The following DCAF6 variants were observed in gnomAD, a reference collection of about 807,000 sequenced individuals.
The protein encoded by DCAF6 is DDB1 and CUL4 associated factor 6.
A neutral mutation model predicts 125.1 loss-of-function variants in DCAF6; 54 were observed. The ratio of observed to expected loss-of-function variants is 0.43; its 90% CI spans 0.35 to 0.54. The LOEUF (loss-of-function observed/expected upper bound fraction) is 0.54, where lower values mean the gene tolerates loss of function less well. Ranked by LOEUF, DCAF6 falls within the 20% of genes least tolerant of loss-of-function variation. The probability of loss-of-function intolerance (pLI) is 0.01; values close to 1 mark genes in which losing one functional copy is unlikely to be tolerated. For synonymous variants in DCAF6, 371 were observed against 390.4 expected (o/e 0.95, Z 0.58); for missense variants, 934 against 1,161.7 (o/e 0.80, Z 2.85).
At chr1:167,870,278 A>G in the DCAF6 span, 25 of 1,614,092 alleles carry the variant, frequency 1.5e-5, no homozygotes, top group Admixed American at 2.8e-4. Context: ...ACCTTGGGCC[A>G]GGTACTCAAT....
chr1:167,971,467 G>T (rs1014398782), intron 3 of DCAF6, among the ~76,000 whole-genome samples: 1 of 152,058 alleles, frequency 6.6e-6, no homozygotes, highest in African/African-American at 2.4e-5. Flanking sequence ...CTCAGACAGG[G>T]TTATGGGTCA....
At chr1:168,005,757 TTATCAGTA>T (rs905645465) in intron 10 of DCAF6, among the ~76,000 whole-genome samples, 2 of 152,144 alleles carry the variant, frequency 1.3e-5, no homozygotes, top group Non-Finnish European at 2.9e-5. Context: ...AAGCACTCTT[TTATCAGTA>T]TATACCACTT....
chr1:167,875,013 A>G, the DCAF6 span: 2 of 895,422 alleles, frequency 2.2e-6, no homozygotes, highest in East Asian at 2.5e-5. Context: ...AACCTGGATG[A>G]TGATTATATT....
chr1:167,928,272 C>G, the DCAF6 span, among the ~76,000 whole-genome samples: 1 of 148,116 alleles, frequency 6.8e-6, no homozygotes, highest in Non-Finnish European at 1.5e-5. Context: ...GGCGTGAAGC[C>G]GGGAGGTGGA....
At chr1:168,068,002 A>G (rs537578886) in intron 20 of DCAF6, among the ~76,000 whole-genome samples, 79 of 152,308 alleles carry the variant, frequency 5.2e-4, no homozygotes, top group Middle Eastern at 3.4e-3. Context: ...TTTCGTCACT[A>G]AAGTTATCAG....
intron 7 of DCAF6, 141 bp downstream of exon 7, chr1:167,993,581 CT>C: frequency 1.6e-6 from 1 of 637,264 alleles, no homozygotes; most frequent in Non-Finnish European, 2.7e-6. Context: ...GAAACCCCGT[CT>C]TTACTAAAAA....
chr1:168,063,812 T>C (rs1691927725), intron 18 of DCAF6, 53 bp downstream of exon 18: 2 of 1,544,622 alleles, frequency 1.3e-6, no homozygotes, highest in African/African-American at 2.8e-5. Flanking sequence ...ATGCTCTGAG[T>C]GTTTTTCCAT....
chr1:168,019,277 T>C (rs1284507207), intron 11 of DCAF6, among the ~76,000 whole-genome samples: 1 of 152,168 alleles, frequency 6.6e-6, no homozygotes, highest in Non-Finnish European at 1.5e-5. Flanking sequence ...CTTGATCTCC[T>C]GACCTTGTGA....
rs772191895 is a variant in DCAF6 at position 168,015,819 on chromosome 1, C to T, written c.1417C>T (p.Arg473Cys). The T allele has an allele frequency of 1.4e-4, 210 of 1,529,994 alleles. No individual in the cohort carries two copies. The highest frequency in any genetic ancestry group is 4.9e-4 in the African/African-American group (35 of 72,014). 94.8% of individuals were successfully genotyped at this position (1,529,994 alleles called of 1,614,324 possible). A position where few individuals can be genotyped will look rare whatever the true frequency, so the allele number is the denominator to read the frequency against. Residue 473 changes from arginine (R) to cysteine (C), a missense_variant, in exon 11 of 22, where the codon CGC becomes TGC. This residue lies in a region of DCAF6 where 559 missense variants were observed against 635.5 expected (regional missense o/e 0.88). Coordinates refer to ENST00000367840, the MANE Select transcript of DCAF6 (RefSeq NM_001198956.2). ...RGPEIALLRK[R>C]LQQLRLKKAE... The stretch of plus-strand genomic sequence containing the variant: ...CCCTGAGATAGCTTTGCTTCGTAAG[C>T]GCCTGCAACAACTGAGGCTTAAGAA...
chr1:167,978,160 T>C (rs1159947147), intron 4 of DCAF6, among the ~76,000 whole-genome samples: 1 of 152,244 alleles, frequency 6.6e-6, no homozygotes, highest in African/African-American at 2.4e-5. Context: ...TGTTCTATGC[T>C]GTTGGAAGTT....
At chr1:168,016,184 T>C (rs1317453373) in intron 11 of DCAF6, among the ~76,000 whole-genome samples, 1 of 152,196 alleles carries the variant, frequency 6.6e-6, no homozygotes, top group Non-Finnish European at 1.5e-5. Flanking sequence ...AGTTGTAATA[T>C]ATTTGGAGAG....
At chr1:167,902,056 T>C in the DCAF6 span, 1 of 1,596,254 alleles carries the variant, frequency 6.3e-7, no homozygotes, top group Non-Finnish European at 8.5e-7. Context: ...TCAACACTTC[T>C]GAGAAAAAAA....
chr1:167,947,516 T>C (rs1221586444), intron 1 of DCAF6, among the ~76,000 whole-genome samples: 1 of 152,228 alleles, frequency 6.6e-6, no homozygotes, highest in Non-Finnish European at 1.5e-5. Context: ...GCTGTGTTCT[T>C]CTTAGCACTG....
At chr1:168,015,396 G>A (rs1684828893) in intron 10 of DCAF6, among the ~76,000 whole-genome samples, 1 of 152,030 alleles carries the variant, frequency 6.6e-6, no homozygotes, top group African/African-American at 2.4e-5. Flanking sequence ...AATTAACAAA[G>A]CAGCTTAAAT....
At chr1:168,049,877 G>C (rs372876478) in intron 16 of DCAF6, among the ~76,000 whole-genome samples, 5 of 149,592 alleles carry the variant, frequency 3.3e-5, no homozygotes, top group Non-Finnish European at 7.4e-5. Context: ...GGATGATCTC[G>C]ATCTCCTGAC....
intron 3 of DCAF6, among the ~76,000 whole-genome samples, chr1:167,970,394 T>C (rs574641698): frequency 1.3e-5 from 2 of 152,346 alleles, no homozygotes; most frequent in East Asian, 3.9e-4. Context: ...CTCACGCTTA[T>C]AATCCCAGCA....
chr1:167,966,583 C>T, intron 2 of DCAF6, 46 bp from the exon 3 acceptor site: 1 of 1,260,794 alleles, frequency 7.9e-7, no homozygotes, highest in South Asian at 1.2e-5. Flanking sequence ...GGCATATTTT[C>T]TTTTATGTCC....
chr1:167,899,180 C>G, the DCAF6 span, among the ~76,000 whole-genome samples: 1 of 152,162 alleles, frequency 6.6e-6, no homozygotes, highest in Non-Finnish European at 1.5e-5. Context: ...GCCTCAATCC[C>G]CAAATTCCAT....
chr1:168,047,049 G>C (rs940271664), intron 16 of DCAF6, among the ~76,000 whole-genome samples: 3 of 152,016 alleles, frequency 2.0e-5, no homozygotes, highest in Non-Finnish European at 4.4e-5. Context: ...AGGAAACTTA[G>C]GTGCTAAGCA....
Sources: allele counts gnomAD v4.1 joint callset (sites outside exome capture counted in the v4.1 genomes callset), GRCh38; gene constraint gnomAD v4.1.1; regional missense constraint gnomAD v4.1.1; transcripts MANE v1.5; gene names NCBI Gene and HGNC (gene_info 2026-07-23, HGNC 2026-07-21).